DNAI4: variants seen among roughly 807,000 people sequenced by gnomAD.
DNAI4 encodes dynein axonemal intermediate chain 4.
DNAI4 carries 85 observed loss-of-function variants against 105.8 expected under a neutral mutation model. The observed-to-expected ratio is 0.80, with a 90% CI of 0.67 to 0.96. DNAI4 has a LOEUF of 0.96. Among genes scored for constraint, DNAI4 ranks in the 40% least tolerant of loss-of-function variants. The pLI is 0.00. For synonymous variants in DNAI4, 352 were observed against 331.5 expected (o/e 1.06, Z -0.67); for missense variants, 1,014 against 1,005.6 (o/e 1.01, Z -0.11).
rs754119466 is a variant in DNAI4, at chr1:66,814,183, GA to G, written c.2497-4del. ...AGCAAAGTATCCATTATATCTCCCTGAAAAAAAAAAGTCACACAATTACAAT... is the reference window on the plus strand; with the variant it reads ...AGCAAAGTATCCATTATATCTCCCTGAAAAAAAAAGTCACACAATTACAAT... On this transcript the variant is annotated splice_region_variant and splice_polypyrimidine_tract_variant and intron_variant, in intron 16 of 16. Transcript: ENST00000371026. 1.2e-3 allele frequency: 1,622 copies of G among 1,384,888 alleles called. No individual in the cohort carries two copies. Among genetic ancestry groups the G allele is most frequent in the Admixed American group, 4.0e-3 (198 of 49,548 alleles). The allele number at this position is 1,384,888 out of a possible 1,614,324, so 85.8% of individuals were successfully genotyped here. A position where few individuals can be genotyped will look rare whatever the true frequency, so the allele number is the denominator to read the frequency against.
Position 66,835,611 on chromosome 1 carries a change from T to C in DNAI4, c.1733+15A>G, listed in dbSNP as rs774146036. On this transcript the variant is annotated intron_variant, in intron 11 of 16. Transcript: ENST00000371026. Reference sequence around the variant, plus strand: ...AAGCATGTATTATACATTTATCTAATTCTCGGATTCTTACCTACTATCCAG... The same window carrying C: ...AAGCATGTATTATACATTTATCTAACTCTCGGATTCTTACCTACTATCCAG... 1.5e-5 allele frequency: 24 copies of C among 1,611,484 alleles called. No individual in the cohort carries two copies. The highest frequency in any genetic ancestry group is 1.3e-5 in the Non-Finnish European group (15 of 1,178,388).
intron 16 of DNAI4, among the ~76,000 whole-genome samples, chr1:66,821,521 T>C (rs1402866766): frequency 1.3e-5 from 2 of 152,214 alleles, no homozygotes; most frequent in Non-Finnish European, 2.9e-5. Context: ...TACAGAGTAG[T>C]CTTATTAAAA....
At chr1:66,858,983 A>G (rs1646565230) in intron 7 of DNAI4, among the ~76,000 whole-genome samples, 1 of 152,188 alleles carries the variant, frequency 6.6e-6, no homozygotes, top group African/African-American at 2.4e-5. Flanking sequence ...AAAGAAAAAA[A>G]TTGATAAATT....
chr1:66,916,929 A>C (rs901019409), intron 1 of DNAI4, among the ~76,000 whole-genome samples: 1 of 151,930 alleles, frequency 6.6e-6, no homozygotes, highest in Admixed American at 6.5e-5. Context: ...TAAATGAATG[A>C]CTTATTTTAC....
intron 5 of DNAI4, among the ~76,000 whole-genome samples, chr1:66,873,280 T>C (rs1184720185): frequency 2.0e-5 from 3 of 150,678 alleles, no homozygotes; most frequent in Admixed American, 6.6e-5. Context: ...CTCTCTCGGT[T>C]GACCAGGCTG....
intron 4 of DNAI4, among the ~76,000 whole-genome samples, chr1:66,878,214 T>C (rs1447372883): frequency 1.2e-4 from 19 of 152,208 alleles, no homozygotes; most frequent in Admixed American, 1.2e-3. Context: ...GTATTTATTT[T>C]ATAATTTGGG....
At chr1:66,866,179 C>T (rs1646728726) in intron 6 of DNAI4, among the ~76,000 whole-genome samples, 1 of 151,824 alleles carries the variant, frequency 6.6e-6, no homozygotes, top group Non-Finnish European at 1.5e-5. Flanking sequence ...TGACGGCAGG[C>T]ACTTGTAGTC....
chr1:66,875,261 T>C (rs759861450), intron 4 of DNAI4, among the ~76,000 whole-genome samples: 3 of 152,172 alleles, frequency 2.0e-5, no homozygotes, highest in Non-Finnish European at 4.4e-5. Flanking sequence ...TACTCAAGAA[T>C]ATGGAGGCAA....
At chr1:66,879,716 C>T (rs1324649878) in intron 4 of DNAI4, among the ~76,000 whole-genome samples, 1 of 152,260 alleles carries the variant, frequency 6.6e-6, no homozygotes, top group East Asian at 1.9e-4. Flanking sequence ...TTTTTTTAGC[C>T]ATTTAAATGC....
chr1:66,833,878 C>A (rs1459411091), intron 12 of DNAI4, 113 bp downstream of exon 12: 13 of 1,406,690 alleles, frequency 9.2e-6, no homozygotes, highest in Non-Finnish European at 1.2e-5. Context: ...CCATGACCAA[C>A]CCAATTTTTT....
chr1:66,884,092 G>T (rs1647139270), intron 4 of DNAI4, among the ~76,000 whole-genome samples: 1 of 152,072 alleles, frequency 6.6e-6, no homozygotes, highest in Non-Finnish European at 1.5e-5. Context: ...GTCTTTCTGT[G>T]TCTGGTTTAT....
intron 10 of DNAI4, among the ~76,000 whole-genome samples, chr1:66,836,959 G>C (rs1309024861): frequency 6.6e-6 from 1 of 152,018 alleles, no homozygotes; most frequent in African/African-American, 2.4e-5. Flanking sequence ...CATTCTCTTT[G>C]AAAAATGTAT....
chr1:66,920,404 G>A (rs1222581328), intron 1 of DNAI4, among the ~76,000 whole-genome samples: 1 of 152,118 alleles, frequency 6.6e-6, no homozygotes, highest in Non-Finnish European at 1.5e-5. Context: ...CAGGTGCCAC[G>A]AGTGTGGGTG....
At chr1:66,863,378 A>C (rs1206644741) in intron 6 of DNAI4, among the ~76,000 whole-genome samples, 3 of 152,220 alleles carry the variant, frequency 2.0e-5, no homozygotes, top group Admixed American at 6.5e-5. Flanking sequence ...TTATTTTCCT[A>C]ATACAAAATG....
chr1:66,902,195 T>C (rs4655511), intron 2 of DNAI4, among the ~76,000 whole-genome samples: 47,434 of 152,048 alleles, frequency 0.31, 8,997 homozygotes, highest in South Asian at 0.56. Context: ...ATGCAAGGGT[T>C]TCAATTCCTC....
chr1:66,830,824 T>C (rs1052184206), intron 13 of DNAI4, among the ~76,000 whole-genome samples: 1 of 148,868 alleles, frequency 6.7e-6, no homozygotes, highest in Non-Finnish European at 1.5e-5. Flanking sequence ...AATAAAATAA[T>C]AAATTAGCTA....
chr1:66,848,926 C>T (rs1646335942), intron 7 of DNAI4, among the ~76,000 whole-genome samples: 1 of 152,210 alleles, frequency 6.6e-6, no homozygotes, highest in African/African-American at 2.4e-5. Flanking sequence ...TAGTCTTACA[C>T]CCTCACTAGG....
At chr1:66,914,687 A>G (rs980974433) in intron 1 of DNAI4, among the ~76,000 whole-genome samples, 2 of 152,142 alleles carry the variant, frequency 1.3e-5, no homozygotes, top group Non-Finnish European at 2.9e-5. Context: ...GTTATCAAGA[A>G]TCAGAAAATC....
intron 15 of DNAI4, among the ~76,000 whole-genome samples, chr1:66,826,287 G>C (rs1645751205): frequency 6.6e-6 from 1 of 151,958 alleles, no homozygotes; most frequent in Non-Finnish European, 1.5e-5. Flanking sequence ...GATGAGTAAG[G>C]TAAACCACTT....
Sources: gnomAD v4.1 joint callset for allele counts (sites outside exome capture counted in the v4.1 genomes callset) on GRCh38, gnomAD v4.1.1 for gene constraint, MANE v1.5 for transcripts, NCBI Gene and HGNC (gene_info 2026-07-23, HGNC 2026-07-21) for gene names.